Variants in GP6 observed in about 807,000 individuals in gnomAD.
GP6 encodes glycoprotein VI platelet.
GP6 carries 45 observed loss-of-function variants against 37.3 expected under a neutral mutation model. The ratio of observed to expected loss-of-function variants is 1.21; its 90% CI spans 0.95 to 1.55. The LOEUF is 1.55. Among genes scored for constraint, GP6 ranks in the 40% most tolerant of loss-of-function variants. The pLI, the probability that GP6 is intolerant of heterozygous loss-of-function variation, is 0.00. For synonymous variants in GP6, 340 were observed against 316.4 expected (o/e 1.07, Z -0.79); for missense variants, 813 against 760.2 (o/e 1.07, Z -0.82).
chr19:55,026,662 G>A (rs1201858202), intron 4 of GP6, among the ~76,000 whole-genome samples: 2 of 152,068 alleles, frequency 1.3e-5, no homozygotes, highest in East Asian at 1.9e-4. Context: ...AGGCCGAGGC[G>A]GGCAGATCAT....
chr19:55,035,704 G>C (rs895922360), intron 1 of GP6, among the ~76,000 whole-genome samples: 1 of 151,866 alleles, frequency 6.6e-6, no homozygotes, highest in Non-Finnish European at 1.5e-5. Context: ...GCAACAGAGT[G>C]AGACTCCATG....
intron 3 of GP6, among the ~76,000 whole-genome samples, chr19:55,028,888 A>C (rs1200715868): frequency 6.6e-6 from 1 of 152,008 alleles, no homozygotes; most frequent in African/African-American, 2.4e-5. Flanking sequence ...TCATCCCAGC[A>C]CTTTGGGAGG....
At chr19:55,015,310 C>G in intron 7 of GP6, 145 bp from the exon 8 acceptor site, 1 of 1,320,054 alleles carries the variant, frequency 7.6e-7, no homozygotes, top group Admixed American at 2.0e-5. Context: ...CCTCCCTTCC[C>G]GAGTAGGGGT....
chr19:55,030,351 T>TCTC (rs201375833), intron 3 of GP6, among the ~76,000 whole-genome samples: 9 of 113,494 alleles, frequency 7.9e-5, no homozygotes, highest in African/African-American at 3.0e-4. Context: ...CCTCTTCTCT[T>TCTC]TTTTTTTTTT....
In GP6 at chr19:55,038,241, C is replaced by A. The variant is rs752582598; in HGVS notation, c.-5G>T. ...GGCGGTCGGGGATGGAGACATGGTT[C>A]CTCAGCCCTGTCCTGAGCTCTGTGG... is the stretch of plus-strand genomic sequence containing the variant. On this transcript the variant is annotated 5_prime_UTR_variant, in exon 1 of 8. Coordinates refer to ENST00000310373, the MANE Select transcript of GP6 (RefSeq NM_001083899.2). 1.3e-6 allele frequency: 2 copies of A among 1,586,372 alleles called. No individual in the cohort carries two copies. The highest frequency in any genetic ancestry group is 1.7e-6 in the Non-Finnish European group (2 of 1,165,144).
intron 1 of GP6, among the ~76,000 whole-genome samples, chr19:55,037,623 C>CTTTTTTTTTTT (rs1179101360): frequency 4.0e-5 from 2 of 50,410 alleles, no homozygotes; most frequent in African/African-American, 1.6e-4. Flanking sequence ...GGCACTCAGC[C>CTTTTTTTTTTT]TTTTTTTTTT....
intron 3 of GP6, among the ~76,000 whole-genome samples, chr19:55,031,272 T>C (rs1487521070): frequency 6.6e-6 from 1 of 152,174 alleles, no homozygotes; most frequent in Non-Finnish European, 1.5e-5. Context: ...CAAAACAAAG[T>C]TTTAAAAAGA....
rs756934246 is a variant in GP6 at position 55,014,317 on chromosome 19, T to C, written c.1628A>G (p.Asn543Ser). Reference sequence around the variant, plus strand: ...TTGGTAGAGATGAGGTTTCACCATGTTGCACAGGCTGATCTTGTTTTCTAA... The same window carrying C: ...TTGGTAGAGATGAGGTTTCACCATGCTGCACAGGCTGATCTTGTTTTCTAA... The change falls in exon 8 of 8, where the codon AAC becomes AGC. Residue 543 changes from asparagine (N) to serine (S), a missense_variant. Transcript: ENST00000310373. 7.0e-6 allele frequency: 11 copies of C among 1,581,526 alleles called. No individual in the cohort carries two copies. In the East Asian group the frequency reaches 1.8e-4, roughly 26 times the overall value.
chr19:55,019,824 C>G (rs1330532549), intron 5 of GP6, among the ~76,000 whole-genome samples: 1 of 151,908 alleles, frequency 6.6e-6, no homozygotes, highest in Non-Finnish European at 1.5e-5. Context: ...ACTACAGGCA[C>G]CCGCCACCAC....
intron 5 of GP6, among the ~76,000 whole-genome samples, chr19:55,023,954 GTA>G (rs892987685): frequency 1.7e-4 from 2 of 11,532 alleles, no homozygotes; most frequent in African/African-American, 3.1e-4. Flanking sequence ...GGAGAAGGGT[GTA>G]GGTGTGAATA....
intron 1 of GP6, among the ~76,000 whole-genome samples, chr19:55,035,101 A>G (rs2074779772): frequency 6.6e-6 from 1 of 152,162 alleles, no homozygotes. Context: ...CCATAATCGT[A>G]CGGGTTACCC....
intron 1 of GP6, among the ~76,000 whole-genome samples, chr19:55,034,212 T>C (rs932208156): frequency 6.6e-6 from 1 of 151,174 alleles, no homozygotes; most frequent in African/African-American, 2.4e-5. Context: ...ACATAAGCGA[T>C]CCCCTCCTGG....
Position 55,014,783 on chromosome 19 carries a change from A to G in GP6, c.1162T>C (p.Trp388Arg). Reference sequence around the variant, plus strand: ...CCGAACGGCTCCCTGATGGAACACCAGGAGGAGGCAGCATGGCCTCGTTTC... The same window carrying G: ...CCGAACGGCTCCCTGATGGAACACCGGGAGGAGGCAGCATGGCCTCGTTTC... The change falls in exon 8 of 8, where the codon TGG becomes CGG. Residue 388 changes from tryptophan (W) to arginine (R), a missense_variant. Transcript: ENST00000310373. 6.2e-7 allele frequency: 1 copy of G among 1,613,796 alleles called. No individual in the cohort carries two copies. Among genetic ancestry groups the G allele is most frequent in the Non-Finnish European group, 8.5e-7 (1 of 1,179,876 alleles).
intron 5 of GP6, among the ~76,000 whole-genome samples, chr19:55,019,111 T>TC (rs899115486): frequency 1.3e-5 from 2 of 148,606 alleles, no homozygotes; most frequent in African/African-American, 2.5e-5. Flanking sequence ...TTTTTTCTTT[T>TC]TTTTTTTTTT....
At chr19:55,022,946 A>G (rs1381893969) in intron 5 of GP6, among the ~76,000 whole-genome samples, 1 of 152,212 alleles carries the variant, frequency 6.6e-6, no homozygotes, top group Non-Finnish European at 1.5e-5. Flanking sequence ...AAAGTAATTT[A>G]TAGATTCATT....
chr19:55,033,177 C>T (rs1009935172), intron 1 of GP6, among the ~76,000 whole-genome samples: 1 of 133,134 alleles, frequency 7.5e-6, no homozygotes, highest in African/African-American at 2.9e-5. Context: ...TGGGTTCGTT[C>T]GTGTTAGACG....
chr19:55,032,217 C>T lies in GP6; in HGVS notation c.247G>A (p.Ala83Thr). 2 of 1,614,110 alleles carry T rather than the reference C, an allele frequency of 1.2e-6. No individual in the cohort carries two copies. The highest frequency in any genetic ancestry group is 1.7e-6 in the Non-Finnish European group (2 of 1,179,970). ...TGGTAGGAGCAGCGGTAGCGTCCAG[C>T]CAGACTTCTCTTCATGGCCGGGATG... Residue 83 changes from alanine to threonine, a missense_variant, in exon 3 of 8, where the codon GCT becomes ACT. Ala to Thr is a moderately conservative substitution (Grantham distance 58). Coordinates refer to ENST00000310373, the MANE Select transcript of GP6 (RefSeq NM_001083899.2).
At chr19:55,029,372 ATATTTTTTTTTTTTTTTTTTTT>A (rs2074470484) in intron 3 of GP6, among the ~76,000 whole-genome samples, 1 of 2,844 alleles carries the variant, frequency 3.5e-4, no homozygotes, top group African/African-American at 1.2e-3. Context: ...ATATATATAT[ATATTTTTTTTTTTTTTTTTTTT>A]TTTTTTTTTT....
intron 6 of GP6, 95 bp downstream of exon 6, chr19:55,018,557 G>A: frequency 2.4e-6 from 2 of 817,266 alleles, no homozygotes; most frequent in Non-Finnish European, 2.2e-6. Context: ...GGACAGTTCG[G>A]TGAAGTGATT....
Sources: allele counts gnomAD v4.1 joint callset (sites outside exome capture counted in the v4.1 genomes callset), GRCh38; gene constraint gnomAD v4.1.1; transcripts MANE v1.5; gene names NCBI Gene and HGNC (gene_info 2026-07-23, HGNC 2026-07-21).